The following YEATS2 variants were observed in gnomAD, a reference collection of about 807,000 sequenced individuals.
YEATS2 encodes the protein YEATS domain-containing protein 2.
YEATS2 carries 77 observed loss-of-function variants against 163.2 expected under a neutral mutation model. The ratio of observed to expected loss-of-function variants is 0.47; its 90% CI spans 0.39 to 0.57. The LOEUF is 0.57. YEATS2 is among the 20% of genes least tolerant of loss of function. YEATS2 has a pLI of 0.00. For synonymous variants in YEATS2, 631 were observed against 645.1 expected, an observed-to-expected ratio of 0.98 and a Z score of 0.33; for missense variants, 1,549 against 1,729.8, an observed-to-expected ratio of 0.90 and a Z score of 1.85.
At chr3:183,793,025 G>T (rs1337564297) in intron 21 of YEATS2, 8 of 828,686 alleles carry the variant, frequency 9.7e-6, no homozygotes, top group East Asian at 1.3e-4. Context: ...CTATAATCTG[G>T]TATAGACAGA....
At chr3:183,729,190 T>C (rs1280942537) in intron 7 of YEATS2, among the ~76,000 whole-genome samples, 1 of 151,014 alleles carries the variant, frequency 6.6e-6, no homozygotes, top group Non-Finnish European at 1.5e-5. Flanking sequence ...GAGAATGGCG[T>C]GAACCAGGGA....
chr3:183,706,545 A>G (rs1714633904), intron 1 of YEATS2, among the ~76,000 whole-genome samples: 3 of 152,194 alleles, frequency 2.0e-5, no homozygotes, highest in Non-Finnish European at 4.4e-5. Flanking sequence ...CATCTAACCT[A>G]CACTCTTATT....
chr3:183,802,308 T>C (rs1007797435), intron 25 of YEATS2: 1 of 152,720 alleles, frequency 6.5e-6, no homozygotes, highest in Non-Finnish European at 1.5e-5. Flanking sequence ...TGTAGGGCTC[T>C]GAACACATAC....
intron 8 of YEATS2, among the ~76,000 whole-genome samples, chr3:183,738,393 T>C (rs1199845173): frequency 5.3e-5 from 6 of 112,856 alleles, no homozygotes; most frequent in African/African-American, 2.5e-4. Flanking sequence ...GAAAAGTTCT[T>C]TTTTTTTTTT....
At chr3:183,790,612 A>G (rs1724530907) in intron 20 of YEATS2, among the ~76,000 whole-genome samples, 185 bp from the exon 21 acceptor site, 1 of 152,204 alleles carries the variant, frequency 6.6e-6, no homozygotes, top group Non-Finnish European at 1.5e-5. Context: ...GGTCCATGAA[A>G]TGTAAAGGTA....
chr3:183,768,024 C>T (rs555631158), intron 15 of YEATS2, among the ~76,000 whole-genome samples: 1 of 152,338 alleles, frequency 6.6e-6, no homozygotes, highest in African/African-American at 2.4e-5. Context: ...TGTAATTTAA[C>T]TTGTGAAATA....
chr3:183,802,970 TAGTGGAGCAC>T, intron 25 of YEATS2: 2 of 348,542 alleles, frequency 5.7e-6, no homozygotes, highest in Non-Finnish European at 1.1e-5. Context: ...CCAGGGCTCC[TAGTGGAGCAC>T]CAGTTCCACA....
rs1352099216 is a variant in YEATS2, at chr3:183,740,413, C to CA, written c.924+3585dup. 8.5e-5 allele frequency among the ~76,000 whole-genome samples: 13 copies of CA among 152,196 alleles called. No homozygotes were observed. In the South Asian group the frequency reaches 1.7e-3, roughly 19 times the overall value. On this transcript the variant is annotated intron_variant, in intron 8 of 30. Coordinates refer to ENST00000305135, the MANE Select transcript of YEATS2 (RefSeq NM_018023.5). ...TCAAAACCACTATGAGATATCATCT[C>CA]ACACCAGGAAAAGTTCTTAAAGGAA...
chr3:183,718,623 A>G (rs766590256), intron 4 of YEATS2, 31 bp downstream of exon 4: 141 of 1,525,896 alleles, frequency 9.2e-5, no homozygotes, highest in Non-Finnish European at 1.1e-4. Flanking sequence ...GTCATTTTCC[A>G]GCCACTCATA....
chr3:183,749,258 T>A (rs1046388086), intron 9 of YEATS2, among the ~76,000 whole-genome samples: 2 of 152,218 alleles, frequency 1.3e-5, no homozygotes. Context: ...ATATATTTTT[T>A]AAAAATTGTG....
intron 15 of YEATS2, among the ~76,000 whole-genome samples, chr3:183,770,228 A>G (rs1166600856): frequency 1.3e-5 from 2 of 151,790 alleles, no homozygotes; most frequent in African/African-American, 4.8e-5. Context: ...TTCTACTAAA[A>G]ATACAAAAAA....
chr3:183,804,714 G>A (rs78355788), intron 27 of YEATS2, among the ~76,000 whole-genome samples: 21,581 of 152,130 alleles, frequency 0.14, 1,736 homozygotes, highest in East Asian at 0.3. Context: ...TGGGCCGGGC[G>A]CCGTGGCTCA....
At chr3:183,772,782 C>CACAA (rs796713045) in intron 16 of YEATS2, among the ~76,000 whole-genome samples, 1 of 148,480 alleles carries the variant, frequency 6.7e-6, no homozygotes, top group South Asian at 2.2e-4. Flanking sequence ...CACACACCCA[C>CACAA]ATACACACAC....
At chr3:183,770,011 A>G (rs1021095326) in intron 15 of YEATS2, among the ~76,000 whole-genome samples, 4 of 152,042 alleles carry the variant, frequency 2.6e-5, no homozygotes, top group Non-Finnish European at 5.9e-5. Context: ...TATATCAGCT[A>G]TATTATCCAA....
chr3:183,761,551 T>G lies in YEATS2; in HGVS notation c.1701T>G (p.Ile567Met). Reference sequence around the variant, plus strand: ...CATCTATGCCACCTCTTTGCCCAATTGGGAGTCACCCTAAGGTTCAAAGCC... The same window carrying G: ...CATCTATGCCACCTCTTTGCCCAATGGGGAGTCACCCTAAGGTTCAAAGCC... ...LFASMPPLCP[I>M]GSHPKVQSPK... is the part of the protein sequence containing the mutation. The change falls in exon 14 of 31, where the codon ATT (isoleucine) becomes ATG (methionine). Residue 567 changes from isoleucine to methionine, a missense_variant. Transcript: ENST00000305135. 3 of 1,614,170 alleles carry G rather than the reference T, an allele frequency of 1.9e-6. No individual in the cohort carries two copies. The highest frequency in any genetic ancestry group is 2.5e-6 in the Non-Finnish European group (3 of 1,180,006).
chr3:183,731,169 C>G (rs1405356012), intron 7 of YEATS2, among the ~76,000 whole-genome samples: 2 of 151,754 alleles, frequency 1.3e-5, no homozygotes, highest in Admixed American at 1.3e-4. Context: ...TGTGGTGGCT[C>G]GTGCCTGTAA....
intron 21 of YEATS2, among the ~76,000 whole-genome samples, chr3:183,792,232 C>G (rs542047330): frequency 6.6e-6 from 1 of 152,244 alleles, no homozygotes; most frequent in East Asian, 1.9e-4. Context: ...CACCTGTCAA[C>G]CCATCATCTA....
intron 1 of YEATS2, among the ~76,000 whole-genome samples, chr3:183,701,460 C>A (rs1397673502): frequency 1.3e-5 from 2 of 152,076 alleles, no homozygotes; most frequent in Admixed American, 6.6e-5. Context: ...AGCCGTAGGT[C>A]ATTGCAGCCT....
Position 183,792,661 on chromosome 3 carries a change from G to A in YEATS2, c.3097+1681G>A, listed in dbSNP as rs568387525. ...GCTTCCCGACTAGCTGGGATTACAG[G>A]CACCCGCCCTCATGCCTGGCTAATT... On this transcript the variant is annotated intron_variant, in intron 21 of 30. Transcript: ENST00000305135. Among the ~76,000 whole-genome samples, 6 of 152,178 alleles carry A rather than the reference G, an allele frequency of 3.9e-5. 1 individual carries two copies. The South Asian group carries it at 1.2e-3, about 32-fold the overall frequency.
Sources: allele counts gnomAD v4.1 joint callset (sites outside exome capture counted in the v4.1 genomes callset), GRCh38; gene constraint gnomAD v4.1.1; transcripts MANE v1.5; gene names NCBI Gene and HGNC (gene_info 2026-07-23, HGNC 2026-07-21).